S100Z: variants seen among roughly 807,000 people sequenced by gnomAD.
The protein encoded by S100Z is S100 calcium binding protein Z, also known as protein S100-Z.
In S100Z, 11 loss-of-function variants were observed where a neutral mutation model predicts 8.5. That is an observed-to-expected ratio of 1.30 (90% CI 0.82 to 2.15). The LOEUF (loss-of-function observed/expected upper bound fraction) is 2.15. Ranked by LOEUF, S100Z falls within the 30% of genes most tolerant of loss-of-function variation. The probability of loss-of-function intolerance (pLI) is 0.00; values close to 1 mark genes in which losing one functional copy is unlikely to be tolerated. For missense variants in S100Z, 126 were observed against 117.9 expected, an observed-to-expected ratio of 1.07 and a Z score of -0.32; for synonymous variants, 34 against 43.8, an observed-to-expected ratio of 0.78 and a Z score of 0.89.
intron 4 of S100Z, among the ~76,000 whole-genome samples, chr5:76,888,355 G>T (rs1743725336): frequency 7.0e-6 from 1 of 143,236 alleles, no homozygotes; most frequent in Non-Finnish European, 1.5e-5. Flanking sequence ...TTTTTCCTGG[G>T]AAAGTGCTGG....
chr5:76,863,601 C>G (rs191616952), intron 1 of S100Z, among the ~76,000 whole-genome samples: 144 of 152,066 alleles, frequency 9.5e-4, no homozygotes, highest in East Asian at 2.7e-3. Flanking sequence ...TGCAGTGGCG[C>G]GATCTCGGCT....
At chr5:76,912,642 A>G (rs1219003220) in intron 4 of S100Z, among the ~76,000 whole-genome samples, 1 of 152,252 alleles carries the variant, frequency 6.6e-6, no homozygotes, top group East Asian at 1.9e-4. Flanking sequence ...GGGAAGAAAG[A>G]GAGTTACCTC....
At chr5:76,941,433 C>T in the S100Z span, among the ~76,000 whole-genome samples, 5 of 152,212 alleles carry the variant, frequency 3.3e-5, no homozygotes, top group South Asian at 8.3e-4. Context: ...CCCCTACACA[C>T]GCTCTCTTGC....
chr5:76,884,682 G>A (rs900393048), intron 4 of S100Z, among the ~76,000 whole-genome samples: 1 of 152,160 alleles, frequency 6.6e-6, no homozygotes, highest in Non-Finnish European at 1.5e-5. Flanking sequence ...TTGGGCAAGT[G>A]GGGGAGGACT....
At chr5:76,862,810 A>G (rs1253327733) in intron 1 of S100Z, among the ~76,000 whole-genome samples, 4 of 151,980 alleles carry the variant, frequency 2.6e-5, no homozygotes, top group African/African-American at 9.7e-5. Flanking sequence ...CCCCATCGCG[A>G]AACAACAACA....
the S100Z span, among the ~76,000 whole-genome samples, chr5:76,931,244 CT>C: frequency 3.9e-5 from 6 of 152,008 alleles, no homozygotes; most frequent in South Asian, 1.0e-3. Context: ...GTAGCTGGGA[CT>C]TATGGAGGTG....
At chr5:76,889,041 GCTAC>G (rs2150658722) in intron 4 of S100Z, among the ~76,000 whole-genome samples, 1 of 152,274 alleles carries the variant, frequency 6.6e-6, no homozygotes, top group South Asian at 2.1e-4. Flanking sequence ...CGTTTTTGGG[GCTAC>G]CTGAGTGACA....
chr5:76,851,525 GC>G (rs1165920975), intron 1 of S100Z, among the ~76,000 whole-genome samples: 1 of 152,122 alleles, frequency 6.6e-6, no homozygotes, highest in Non-Finnish European at 1.5e-5. Context: ...AGAGAGAGGG[GC>G]CAGGAATAGC....
At chr5:76,908,521 ACT>A (rs1744536955) in intron 4 of S100Z, among the ~76,000 whole-genome samples, 1 of 152,020 alleles carries the variant, frequency 6.6e-6, no homozygotes, top group Non-Finnish European at 1.5e-5. Context: ...AAACTTCAGG[ACT>A]CTGTTACCTC....
chr5:76,943,174 A>C, the S100Z span, among the ~76,000 whole-genome samples: 1 of 152,060 alleles, frequency 6.6e-6, no homozygotes, highest in African/African-American at 2.4e-5. Flanking sequence ...GGGCTTCTTT[A>C]CTCACACATC....
chr5:76,928,511 C>T, the S100Z span, among the ~76,000 whole-genome samples: 1 of 152,150 alleles, frequency 6.6e-6, no homozygotes, highest in Non-Finnish European at 1.5e-5. Context: ...GGTGAAGCTA[C>T]TTAAGCTGCT....
At chr5:76,866,436 T>C (rs62363083) in intron 1 of S100Z, among the ~76,000 whole-genome samples, 30,590 of 152,108 alleles carry the variant, frequency 0.2, 3,293 homozygotes, top group African/African-American at 0.26. Context: ...ACAATGTTTA[T>C]GAAGGCTATA....
At chr5:76,924,288 C>T (rs59146378), downstream of S100Z, among the ~76,000 whole-genome samples, 6,911 of 152,244 alleles carry the variant, frequency 0.045, 534 homozygotes, top group African/African-American at 0.16. Context: ...GCATCTAGAC[C>T]TCACTGGGTT....
chr5:76,915,778 T>G (rs1744835284), intron 4 of S100Z, among the ~76,000 whole-genome samples: 2 of 152,124 alleles, frequency 1.3e-5, no homozygotes, highest in South Asian at 4.1e-4. Flanking sequence ...AATTATATGT[T>G]CTCTACAAGA....
rs146478232 is a variant in S100Z, at chr5:76,863,858, G to C, written c.-175-6308G>C. On this transcript the variant is annotated intron_variant, in intron 1 of 4. Transcript: ENST00000317593. ...CGGCCAATTATATTATCTCTTGAAG[G>C]CTCCAGCACAGGGCAAATGGTTGCC... 6.3e-3 allele frequency among the ~76,000 whole-genome samples: 959 copies of C among 152,284 alleles called. 7 individuals carry two copies. The highest frequency in any genetic ancestry group is 0.022 in the African/African-American group (899 of 41,538).
At position 76,914,635 on chromosome 5, in the gene S100Z, C is replaced by A. The variant is rs141082475; in HGVS notation, c.*3-6082C>A. ...ACCGTGAAGGTCTGCAGCTTCACTC[C>A]TGAAGCCACTGAGACCATGGACCCA... On this transcript the variant is annotated intron_variant, in intron 4 of 4. Coordinates refer to ENST00000317593, the MANE Select transcript of S100Z (RefSeq NM_130772.4). Among the ~76,000 whole-genome samples the A allele has an allele frequency of 8.3e-3, 1,259 of 152,196 alleles. 16 individuals carry two copies. The highest frequency in any genetic ancestry group is 0.029 in the African/African-American group (1,183 of 41,496).
At chr5:76,951,700 C>A in the S100Z span, among the ~76,000 whole-genome samples, 2 of 152,176 alleles carry the variant, frequency 1.3e-5, no homozygotes, top group Non-Finnish European at 2.9e-5. Flanking sequence ...TTTCAAAATT[C>A]AGGCATCTAA....
chr5:76,887,587 G>A (rs1462473684), intron 4 of S100Z, among the ~76,000 whole-genome samples: 2 of 151,484 alleles, frequency 1.3e-5, no homozygotes, highest in Admixed American at 6.6e-5. Flanking sequence ...TAGTAGAGAC[G>A]GGGTCTCACC....
At chr5:76,865,792 C>T (rs1424620686) in intron 1 of S100Z, among the ~76,000 whole-genome samples, 4 of 150,860 alleles carry the variant, frequency 2.7e-5, no homozygotes, top group Non-Finnish European at 5.9e-5. Flanking sequence ...GTGGGTGGAT[C>T]ACTTGAGGTC....
Sources: allele counts gnomAD v4.1 joint callset (sites outside exome capture counted in the v4.1 genomes callset), GRCh38; gene constraint gnomAD v4.1.1; transcripts MANE v1.5; gene names NCBI Gene and HGNC (gene_info 2026-07-23, HGNC 2026-07-21).